ZNF469: variants seen among roughly 807,000 people sequenced by gnomAD.
ZNF469 encodes the protein zinc finger protein 469.
Under a neutral mutation model 1.0 loss-of-function variants are expected in ZNF469, and 1 was observed. That is an observed-to-expected ratio of 1.00 (90% CI 0.35 to 4.73). The LOEUF (loss-of-function observed/expected upper bound fraction) is 4.73, where lower values mean the gene tolerates loss of function less well. ZNF469 is among the 30% of genes most tolerant of loss of function. The pLI, the probability that ZNF469 is intolerant of heterozygous loss-of-function variation, is 0.16. For synonymous variants in ZNF469, 2,703 were observed against 2,363.4 expected, an observed-to-expected ratio of 1.14 and a Z score of -4.17; for missense variants, 6,100 against 5,356.3, an observed-to-expected ratio of 1.14 and a Z score of -4.33.
the ZNF469 span, among the ~76,000 whole-genome samples, chr16:88,126,055 G>C: frequency 6.6e-6 from 1 of 151,716 alleles, no homozygotes; most frequent in Non-Finnish European, 1.5e-5. Flanking sequence ...TGGGAGTGGT[G>C]GTGGGTGCCT....
Position 88,428,483 on chromosome 16 carries a change from A to G in ZNF469, c.1013A>G (p.Tyr338Cys). The change falls in exon 3 of 3, where the codon TAC becomes TGC. Residue 338 changes from tyrosine (Y) to cysteine (C), a missense_variant. Physicochemically the swap from Tyr to Cys is radical, Grantham distance 194 (BLOSUM62 -2). Transcript: ENST00000565624. ...CCTGCGCCCTCACCCCTGCCCTGCT[A>G]CCAGGGCCAGCCAGGTGGCCTGAAC... ...TQPAPSPLPC[Y>C]QGQPGGLNRH... The G allele has an allele frequency of 1.3e-6, 2 of 1,549,352 alleles. No homozygotes were observed. Among genetic ancestry groups the G allele is most frequent in the Non-Finnish European group, 1.7e-6 (2 of 1,146,762 alleles).
At chr16:88,242,473 C>G in the ZNF469 span, among the ~76,000 whole-genome samples, 1 of 152,142 alleles carries the variant, frequency 6.6e-6, no homozygotes. Context: ...TAATCTTCTC[C>G]TAGAAGGACA....
At chr16:88,198,914 G>A in the ZNF469 span, among the ~76,000 whole-genome samples, 1 of 152,250 alleles carries the variant, frequency 6.6e-6, no homozygotes, top group Non-Finnish European at 1.5e-5. Context: ...GCCACCCGAG[G>A]CGAGGGCCCC....
the ZNF469 span, among the ~76,000 whole-genome samples, chr16:88,238,456 C>A: frequency 6.0e-5 from 9 of 150,994 alleles, no homozygotes; most frequent in African/African-American, 2.2e-4. Context: ...CCTAGATAGA[C>A]CCTAAATAGA....
At position 88,429,454 on chromosome 16, in the gene ZNF469, C is replaced by T; in HGVS notation, c.1984C>T (p.Gln662Ter). The change falls in exon 3 of 3, where the codon CAG becomes TAG. Residue 662 changes from glutamine to a stop codon, truncating the protein, a stop_gained. Transcript: ENST00000565624. LOFTEE classifies it low-confidence loss of function (END_TRUNC). ...CCCCCACTCCCTCCCCACCCACTAC[C>T]AGCCAGAGCCAGCCAAGGCCTTCCC... ...EPPHSLPTHY[Q>*]PEPAKAFPFP... 6.5e-7 allele frequency: 1 copy of T among 1,549,616 alleles called. No individual in the cohort carries two copies. The highest frequency in any genetic ancestry group is 8.7e-7 in the Non-Finnish European group (1 of 1,146,540).
chr16:88,427,164 C>A (rs1319640021), intron 2 of ZNF469, among the ~76,000 whole-genome samples, 181 bp from the exon 3 acceptor site: 2 of 152,188 alleles, frequency 1.3e-5, no homozygotes, highest in African/African-American at 4.8e-5. Context: ...CCTCTCCCTT[C>A]CTGCTTCTAG....
the ZNF469 span, among the ~76,000 whole-genome samples, chr16:88,210,083 A>T: frequency 6.6e-6 from 1 of 152,232 alleles, no homozygotes; most frequent in Non-Finnish European, 1.5e-5. Flanking sequence ...ACATTGTTGC[A>T]GTCTGAGAGG....
chr16:88,388,233 A>G (rs1904388730), intron 1 of ZNF469, among the ~76,000 whole-genome samples: 1 of 152,234 alleles, frequency 6.6e-6, no homozygotes, highest in Non-Finnish European at 1.5e-5. Flanking sequence ...CCCCACCCTC[A>G]ACCCCTCCTG....
the ZNF469 span, among the ~76,000 whole-genome samples, chr16:88,350,036 T>C: frequency 0.075 from 11,401 of 151,850 alleles, 505 homozygotes; most frequent in East Asian, 0.14. Flanking sequence ...TGCACCCACA[T>C]CACACACAGA....
chr16:88,334,982 G>A, the ZNF469 span, among the ~76,000 whole-genome samples: 385 of 152,112 alleles, frequency 2.5e-3, 4 homozygotes, highest in African/African-American at 8.3e-3. Context: ...AGGGGGAGCC[G>A]TGTGGGAAGA....
At chr16:88,141,430 G>A in the ZNF469 span, among the ~76,000 whole-genome samples, 6 of 132,982 alleles carry the variant, frequency 4.5e-5, no homozygotes, top group African/African-American at 1.6e-4. Flanking sequence ...AAGAGGCCCT[G>A]GGAGGTACCC....
the ZNF469 span, among the ~76,000 whole-genome samples, chr16:88,298,059 T>G: frequency 6.6e-6 from 1 of 152,346 alleles, no homozygotes; most frequent in South Asian, 2.1e-4. Context: ...CTTCTTCATC[T>G]TTTCAGTTTA....
the ZNF469 span, among the ~76,000 whole-genome samples, chr16:88,291,068 G>A: frequency 8.5e-5 from 13 of 152,096 alleles, no homozygotes; most frequent in African/African-American, 2.7e-4. Flanking sequence ...GTGTCCGTCC[G>A]GCACCTCTGC....
chr16:88,145,574 G>C, the ZNF469 span, among the ~76,000 whole-genome samples: 1 of 152,376 alleles, frequency 6.6e-6, no homozygotes, highest in East Asian at 1.9e-4. Context: ...TCTGCTGCCA[G>C]GTCTGGTCTT....
the ZNF469 span, among the ~76,000 whole-genome samples, chr16:88,376,656 G>A: frequency 5.3e-5 from 8 of 152,248 alleles, no homozygotes; most frequent in African/African-American, 7.2e-5. Flanking sequence ...GGGATGCTCC[G>A]GCTGAGCGTG....
At chr16:88,256,930 CTTTCTTTCTTTCTTTCTTTCTTT>C in the ZNF469 span, among the ~76,000 whole-genome samples, 1 of 12,072 alleles carries the variant, frequency 8.3e-5, no homozygotes, top group South Asian at 4.3e-3. Flanking sequence ...TTCTTTCTTT[CTTTCTTTCTTTCTTTCTTTCTTT>C]TCTTTTCTTT....
chr16:88,437,447 C>A lies in ZNF469; in HGVS notation c.9977C>A (p.Thr3326Asn), dbSNP rs1206417002. 3.9e-6 allele frequency: 6 copies of A among 1,526,454 alleles called. No individual in the cohort carries two copies. The highest frequency in any genetic ancestry group is 1.2e-5 in the South Asian group (1 of 82,302). 94.6% of individuals were successfully genotyped at this position (1,526,454 alleles called of 1,614,324 possible). The stretch of plus-strand genomic sequence containing the variant: ...GGCGGGGAGCCCCTCCTGCAAGCCA[C>A]CCCGGTGCACGAGGCCTGCAAGGAC... The part of the protein sequence containing the change: ...WAGGEPLLQA[T>N]PVHEACKDPS... Residue 3326 changes from threonine (T) to asparagine (N), a missense_variant, in exon 3 of 3, where the codon ACC (threonine) becomes AAC (asparagine). By Grantham distance (65) the Thr-to-Asn change is moderately conservative. Coordinates refer to ENST00000565624, the MANE Select transcript of ZNF469 (RefSeq NM_001367624.2).
chr16:88,355,922 G>T, the ZNF469 span, among the ~76,000 whole-genome samples: 1 of 151,124 alleles, frequency 6.6e-6, no homozygotes, highest in South Asian at 2.1e-4. Context: ...GCATGCCGTG[G>T]GGGTCCTGCA....
At chr16:88,376,820 G>A in the ZNF469 span, among the ~76,000 whole-genome samples, 1,354 of 152,344 alleles carry the variant, frequency 8.9e-3, 15 homozygotes, top group African/African-American at 0.03. Context: ...CTGTGCCTGA[G>A]ATTCCCAGAG....
Sources: gnomAD v4.1 joint callset for allele counts (sites outside exome capture counted in the v4.1 genomes callset) on GRCh38, gnomAD v4.1.1 for gene constraint, MANE v1.5 for transcripts, NCBI Gene and HGNC (gene_info 2026-07-23, HGNC 2026-07-21) for gene names.